Variants in USP22 observed in about 807,000 individuals in gnomAD.
USP22 encodes ubiquitin specific peptidase 22.
Under a neutral mutation model 68.1 loss-of-function variants are expected in USP22, and 22 were observed. The ratio of observed to expected loss-of-function variants is 0.32; its 90% CI spans 0.23 to 0.46. The LOEUF is 0.46. Ranked by LOEUF, USP22 falls within the 20% of genes least tolerant of loss-of-function variation. USP22 has a pLI of 1.00. For missense variants in USP22, 433 were observed against 695.8 expected, an observed-to-expected ratio of 0.62 and a Z score of 4.25; for synonymous variants, 279 against 274.2, an observed-to-expected ratio of 1.02 and a Z score of -0.17.
chr17:21,041,415 T>A (rs887545654), intron 1 of USP22, among the ~76,000 whole-genome samples: 1 of 151,518 alleles, frequency 6.6e-6, no homozygotes. Context: ...CTGGCCAACA[T>A]GGTGAAACCC....
chr17:21,027,046 G>A (rs1018521938), intron 2 of USP22, among the ~76,000 whole-genome samples: 2 of 151,314 alleles, frequency 1.3e-5, no homozygotes, highest in Non-Finnish European at 2.9e-5. Context: ...TGCCCACCTT[G>A]GTCTCCCACA....
chr17:21,004,465 T>TCAA, intron 11 of USP22, 114 bp from the exon 12 acceptor site: 1 of 1,338,932 alleles, frequency 7.5e-7, no homozygotes, highest in Non-Finnish European at 1.0e-6. Flanking sequence ...TGTGGGCCTG[T>TCAA]CAACCCCCAG....
At chr17:21,013,525 T>C (rs1914032273) in intron 6 of USP22, among the ~76,000 whole-genome samples, 1 of 152,188 alleles carries the variant, frequency 6.6e-6, no homozygotes, top group South Asian at 2.1e-4. Context: ...GAAACTTAAG[T>C]AGCAGAACTT....
intron 1 of USP22, among the ~76,000 whole-genome samples, chr17:21,032,922 CAAAAAAAAAAAAAAAA>C (rs753804890): frequency 1.2e-4 from 11 of 91,570 alleles, no homozygotes; most frequent in East Asian, 5.2e-4. Context: ...GACCCTGTCT[CAAAAAAAAAAAAAAAA>C]AAAAAAAAAA....
At chr17:21,034,439 A>G (rs1480208022) in intron 1 of USP22, among the ~76,000 whole-genome samples, 3 of 152,222 alleles carry the variant, frequency 2.0e-5, no homozygotes, top group African/African-American at 7.2e-5. Flanking sequence ...CCTTACCTAC[A>G]GTTCCGCTTG....
At chr17:21,038,912 G>C (rs984309892) in intron 1 of USP22, among the ~76,000 whole-genome samples, 1 of 151,962 alleles carries the variant, frequency 6.6e-6, no homozygotes, top group Non-Finnish European at 1.5e-5. Context: ...AAACACAAAG[G>C]AGACGCCACT....
intron 9 of USP22, among the ~76,000 whole-genome samples, chr17:21,007,338 C>G (rs1030617758): frequency 1.3e-5 from 2 of 152,188 alleles, no homozygotes; most frequent in African/African-American, 4.8e-5. Context: ...AGAAGACAGT[C>G]CTTTGCCTAG....
At chr17:21,034,290 G>C (rs1223571978) in intron 1 of USP22, among the ~76,000 whole-genome samples, 1 of 152,130 alleles carries the variant, frequency 6.6e-6, no homozygotes, top group African/African-American at 2.4e-5. Flanking sequence ...CTCATTTCAA[G>C]GCTGGGACCC....
chr17:21,009,786 C>A (rs1416095167), intron 8 of USP22, among the ~76,000 whole-genome samples: 1 of 152,040 alleles, frequency 6.6e-6, no homozygotes, highest in African/African-American at 2.4e-5. Flanking sequence ...GAAACCTAGT[C>A]TCTACTAAAA....
intron 1 of USP22, among the ~76,000 whole-genome samples, chr17:21,038,530 C>T (rs1313104180): frequency 6.6e-6 from 1 of 151,870 alleles, no homozygotes; most frequent in Non-Finnish European, 1.5e-5. Context: ...TAGCCAGGTG[C>T]GGTGGCGCAT....
intron 11 of USP22, 54 bp from the exon 12 acceptor site, chr17:21,004,405 G>C: frequency 6.2e-7 from 1 of 1,600,552 alleles, no homozygotes; most frequent in South Asian, 1.1e-5. Flanking sequence ...GCCGTCACTT[G>C]AGGTCATCAC....
Position 21,013,870 on chromosome 17 carries a change from C to G in USP22, c.839-935G>C, listed in dbSNP as rs34537905. Among the ~76,000 whole-genome samples the G allele has an allele frequency of 9.4e-3, 1,429 of 152,244 alleles. 12 individuals are homozygous for G. The highest frequency in any genetic ancestry group is 0.015 in the Non-Finnish European group (1,029 of 68,002). On this transcript the variant is annotated intron_variant, in intron 6 of 12. Transcript: ENST00000261497. Reference sequence around the variant, plus strand: ...CGGGCGGATCACGAGGTTAGGAGACCGAGACCATCCTGGCTAACACGGTGA... The same window carrying G: ...CGGGCGGATCACGAGGTTAGGAGACGGAGACCATCCTGGCTAACACGGTGA...
chr17:21,039,608 A>G (rs1376064496), intron 1 of USP22, among the ~76,000 whole-genome samples: 3 of 152,122 alleles, frequency 2.0e-5, no homozygotes, highest in Non-Finnish European at 4.4e-5. Flanking sequence ...TTTTGGACAG[A>G]AATTTATCAA....
chr17:21,005,143 G>T, intron 10 of USP22, 153 bp from the exon 11 acceptor site: 1 of 874,982 alleles, frequency 1.1e-6, no homozygotes, highest in Non-Finnish European at 1.8e-6. Flanking sequence ...CCCATGTTTC[G>T]TGAGGACACT....
chr17:21,005,004 C>A lies in USP22; in HGVS notation c.1323-14G>T. 1 of 1,613,876 alleles carries A rather than the reference C, an allele frequency of 6.2e-7. No homozygotes were observed. The highest frequency in any genetic ancestry group is 8.5e-7 in the Non-Finnish European group (1 of 1,179,836). On this transcript the variant is annotated splice_polypyrimidine_tract_variant and intron_variant, in intron 10 of 12. Coordinates refer to ENST00000261497, the MANE Select transcript of USP22 (RefSeq NM_015276.2). ...CTGCTCTCTTTGCTGTAACAGACAACGGCAGGATTCAGCATCATTAAAATC... is the reference window on the plus strand; with the variant it reads ...CTGCTCTCTTTGCTGTAACAGACAAAGGCAGGATTCAGCATCATTAAAATC...
intron 1 of USP22, among the ~76,000 whole-genome samples, chr17:21,033,254 T>C (rs144511274): frequency 2.0e-5 from 3 of 152,290 alleles, no homozygotes; most frequent in Admixed American, 1.3e-4. Context: ...TTTTCTCCTA[T>C]AAATTAATTC....
intron 1 of USP22, 69 bp downstream of exon 1, chr17:21,042,596 C>T (rs1452942602): frequency 3.2e-6 from 4 of 1,255,956 alleles, no homozygotes; most frequent in East Asian, 3.2e-5. Context: ...GAAAAGGGCC[C>T]CTCCGCCGGC....
At position 21,028,572 on chromosome 17, in the gene USP22, C is replaced by G. The variant is rs755143858; in HGVS notation, c.274G>C (p.Glu92Gln). 1.9e-6 allele frequency: 3 copies of G among 1,613,908 alleles called. No homozygotes were observed. Among genetic ancestry groups the G allele is most frequent in the Non-Finnish European group, 2.5e-6 (3 of 1,180,004 alleles). ...FGCFTKKHIHEHAKAKRHNLA... is the reference protein window; with the variant it reads ...FGCFTKKHIHQHAKAKRHNLA... ...TTGTGCCGCTTCGCCTTCGCATGCT[C>G]GTGAATATGCTTCTTTGTGAAACAG... The change falls in exon 2 of 13, where the codon GAG (glutamate) becomes CAG (glutamine). Residue 92 changes from glutamate to glutamine, a missense_variant. By Grantham distance (29) the Glu-to-Gln change is conservative. Coordinates refer to ENST00000261497, the MANE Select transcript of USP22 (RefSeq NM_015276.2).
chr17:21,004,444 A>G (rs912437224), intron 11 of USP22, 93 bp from the exon 12 acceptor site: 17 of 1,516,394 alleles, frequency 1.1e-5, no homozygotes, highest in Non-Finnish European at 1.4e-5. Flanking sequence ...CCAGGCAGGG[A>G]GCGGGAGGCC....
Sources: gnomAD v4.1 joint callset for allele counts (sites outside exome capture counted in the v4.1 genomes callset) on GRCh38, gnomAD v4.1.1 for gene constraint, MANE v1.5 for transcripts, NCBI Gene and HGNC (gene_info 2026-07-23, HGNC 2026-07-21) for gene names.